ATXN10: variants seen among roughly 807,000 people sequenced by gnomAD.
ATXN10 encodes the protein ataxin-10.
A neutral mutation model predicts 52.9 loss-of-function variants in ATXN10; 28 were observed. That is an observed-to-expected ratio of 0.53 (90% confidence interval 0.39 to 0.73). The LOEUF (loss-of-function observed/expected upper bound fraction) is 0.73, where lower values mean the gene tolerates loss of function less well. Among genes scored for constraint, ATXN10 ranks in the 30% least tolerant of loss-of-function variants. The pLI is 0.00. For synonymous variants in ATXN10, 226 were observed against 221.5 expected, an observed-to-expected ratio of 1.02 and a Z score of -0.18; for missense variants, 565 against 577.0, an observed-to-expected ratio of 0.98 and a Z score of 0.21.
intron 5 of ATXN10, among the ~76,000 whole-genome samples, chr22:45,703,327 T>G (rs535011947): frequency 2.0e-5 from 3 of 152,328 alleles, no homozygotes; most frequent in Admixed American, 6.5e-5. Context: ...TTTTAAGATT[T>G]TTCTTTGTCT....
intron 10 of ATXN10, among the ~76,000 whole-genome samples, chr22:45,814,068 G>A (rs1240464219): frequency 1.3e-5 from 2 of 152,142 alleles, no homozygotes; most frequent in Non-Finnish European, 2.9e-5. Flanking sequence ...AATTCTAGTT[G>A]AATTTATAGA....
In ATXN10 at chr22:45,750,721, A is replaced by G. The variant is rs1160833431; in HGVS notation, c.1173+10183A>G. Among the ~76,000 whole-genome samples, 1 of 152,236 alleles carries G rather than the reference A, an allele frequency of 6.6e-6. No homozygotes were observed. The highest frequency in any genetic ancestry group is 1.5e-5 in the Non-Finnish European group (1 of 68,038). On this transcript the variant is annotated intron_variant, in intron 9 of 11. Coordinates refer to ENST00000252934, the MANE Select transcript of ATXN10 (RefSeq NM_013236.4). The surrounding 1 kb of genome is among the most constrained non-coding windows in gnomAD (Gnocchi z 4.2). ...TAATCAAAACAATTTACAAAAGTTT[A>G]TAGGTTAGTGGAGGCAGACATAGTT...
intron 7 of ATXN10, among the ~76,000 whole-genome samples, chr22:45,730,750 A>G (rs1925058588): frequency 6.6e-6 from 1 of 152,128 alleles, no homozygotes; most frequent in Non-Finnish European, 1.5e-5. Context: ...GGTTGTTCTT[A>G]TTTCTACTTA....
At position 45,702,683 on chromosome 22, in the gene ATXN10, T is replaced by C; in HGVS notation, c.489-6T>C. On this transcript the variant is annotated splice_polypyrimidine_tract_variant and splice_region_variant and intron_variant, in intron 4 of 11. Coordinates refer to ENST00000252934, the MANE Select transcript of ATXN10 (RefSeq NM_013236.4). ...GGGCTAACAATCTCATTTCCTTGTT[T>C]GGAAGGTCTTGCTTAAATCATCCGG... The C allele has an allele frequency of 6.2e-7, 1 of 1,613,798 alleles. No homozygotes were observed. Among genetic ancestry groups the C allele is most frequent in the Non-Finnish European group, 8.5e-7 (1 of 1,179,846 alleles).
intron 9 of ATXN10, among the ~76,000 whole-genome samples, chr22:45,765,108 C>T (rs1174917637): frequency 2.0e-5 from 3 of 152,140 alleles, no homozygotes; most frequent in Non-Finnish European, 2.9e-5. Context: ...TGGAAAGCAG[C>T]GTGAAGTATG....
chr22:45,807,149 A>T (rs771126334), intron 10 of ATXN10, 127 bp downstream of exon 10: 1 of 791,788 alleles, frequency 1.3e-6, no homozygotes, highest in Non-Finnish European at 2.3e-6. Flanking sequence ...TGTTCCTGAG[A>T]ACCAAATCAT....
chr22:45,808,221 G>A (rs1221508272), intron 10 of ATXN10, among the ~76,000 whole-genome samples: 1 of 152,030 alleles, frequency 6.6e-6, no homozygotes, highest in Non-Finnish European at 1.5e-5. Flanking sequence ...CCCCAAAAAG[G>A]AAAGAAAAAA....
intron 5 of ATXN10, 44 bp downstream of exon 5, chr22:45,702,891 C>CTGCA: frequency 6.2e-7 from 1 of 1,610,724 alleles, no homozygotes; most frequent in Non-Finnish European, 8.5e-7. Context: ...GGCATCCTGA[C>CTGCA]AGATCACTTT....
In ATXN10 at chr22:45,755,622, G is replaced by A. The variant is rs1227616442; in HGVS notation, c.1173+15084G>A. On this transcript the variant is annotated intron_variant, in intron 9 of 11. Transcript: ENST00000252934. ...ATTTGGAAGTACCCCTGTGTCTTTTGGGGGAAAGGTATTATTAACTTGGTT... is the reference window on the plus strand; with the variant it reads ...ATTTGGAAGTACCCCTGTGTCTTTTAGGGGAAAGGTATTATTAACTTGGTT... 3.9e-5 allele frequency among the ~76,000 whole-genome samples: 6 copies of A among 152,168 alleles called. No homozygotes were observed. The East Asian group carries it at 1.2e-3, about 29-fold the overall frequency.
intron 2 of ATXN10, among the ~76,000 whole-genome samples, chr22:45,692,278 G>A (rs948240502): frequency 6.6e-6 from 1 of 151,912 alleles, no homozygotes; most frequent in Non-Finnish European, 1.5e-5. Flanking sequence ...GTAAGTTATC[G>A]GTGGTCTTTT....
intron 2 of ATXN10, among the ~76,000 whole-genome samples, chr22:45,691,525 C>T (rs1181555762): frequency 1.3e-5 from 2 of 152,236 alleles, no homozygotes; most frequent in East Asian, 3.8e-4. Flanking sequence ...TGGGAACATT[C>T]TCTCCATATC....
intron 6 of ATXN10, among the ~76,000 whole-genome samples, chr22:45,723,770 G>C (rs1177898279): frequency 1.3e-5 from 2 of 152,030 alleles, no homozygotes; most frequent in Admixed American, 1.3e-4. Context: ...AGCCTGGCCA[G>C]CATGGAGAAA....
intron 9 of ATXN10, among the ~76,000 whole-genome samples, chr22:45,767,438 C>G (rs1926624139): frequency 1.4e-5 from 2 of 147,382 alleles, no homozygotes; most frequent in African/African-American, 5.0e-5. Context: ...AATATACATA[C>G]ACACACACAC....
rs1924521562 is a variant in ATXN10 at position 45,718,328 on chromosome 22, G to A, written c.648-85G>A. The A allele has an allele frequency of 7.2e-6, 7 of 978,398 alleles. No homozygotes were observed. In the East Asian group the frequency reaches 1.4e-4, roughly 20 times the overall value. The allele number at this position is 978,398 out of a possible 1,614,324, so 60.6% of individuals were successfully genotyped here. On this transcript the variant is annotated intron_variant, in intron 5 of 11. Coordinates refer to ENST00000252934, the MANE Select transcript of ATXN10 (RefSeq NM_013236.4). The surrounding 1 kb of genome is among the most constrained non-coding windows in gnomAD (Gnocchi z 4.4). ...TCACTGAAAAGAAATGCTTTTGTGT[G>A]TAAGTGGTGCCTATAAAGTAGATAA...
chr22:45,676,128 C>A (rs143738902), intron 1 of ATXN10: 2 of 150,588 alleles, frequency 1.3e-5, no homozygotes, highest in East Asian at 3.9e-4. Context: ...TTTTTTTTTC[C>A]GAGACAGGGC....
chr22:45,700,201 A>G (rs1423436927), intron 3 of ATXN10, 81 bp from the exon 4 acceptor site: 11 of 1,023,370 alleles, frequency 1.1e-5, no homozygotes, highest in African/African-American at 1.6e-5. Context: ...GTTTAATAAC[A>G]TGGAGAATAT....
intron 3 of ATXN10, among the ~76,000 whole-genome samples, chr22:45,694,815 G>A (rs1158315386): frequency 2.0e-5 from 3 of 148,450 alleles, no homozygotes; most frequent in African/African-American, 7.4e-5. Flanking sequence ...GGTGGCACAC[G>A]CCTGTAGTCG....
rs1360878125 is a variant in ATXN10, at chr22:45,805,024, A to G, written c.1174-1935A>G. 1.3e-5 allele frequency among the ~76,000 whole-genome samples: 2 copies of G among 152,162 alleles called. No homozygotes were observed. Among genetic ancestry groups the G allele is most frequent in the East Asian group, 1.9e-4 (1 of 5,204 alleles). On this transcript the variant is annotated intron_variant, in intron 9 of 11. Transcript: ENST00000252934. This position sits in a 1 kb window ranked among gnomAD's most constrained non-coding sequence, Gnocchi z 4.4. ...CTTCTCCACTCACATTCACAGCCAT[A>G]TAGCAGTCTACTGTGTTTGTACCGT...
At position 45,769,654 on chromosome 22, in the gene ATXN10, A is replaced by G. The variant is rs761149898; in HGVS notation, c.1173+29116A>G. Among the ~76,000 whole-genome samples, 13 of 152,200 alleles carry G rather than the reference A, an allele frequency of 8.5e-5. No homozygotes were observed. Among genetic ancestry groups the G allele is most frequent in the Non-Finnish European group, 1.6e-4 (11 of 68,038 alleles). On this transcript the variant is annotated intron_variant, in intron 9 of 11. Transcript: ENST00000252934. The surrounding 1 kb of genome is among the most constrained non-coding windows in gnomAD (Gnocchi z 4.2). ...GAATCTCAAATAGACTTGGTCAAGA[A>G]AAGAAGACCAAGGCCGATTCCCTAG... is the stretch of plus-strand genomic sequence containing the variant.
Sources: allele counts gnomAD v4.1 joint callset (sites outside exome capture counted in the v4.1 genomes callset), GRCh38; gene constraint gnomAD v4.1.1; non-coding constraint Gnocchi (gnomAD v3.1); transcripts MANE v1.5; gene names NCBI Gene and HGNC (gene_info 2026-07-23, HGNC 2026-07-21).